BICD1: variants seen among roughly 807,000 people sequenced by gnomAD.
The protein encoded by BICD1 is BICD cargo adaptor 1.
In BICD1, 35 loss-of-function variants were observed where a neutral mutation model predicts 92.5. The observed-to-expected ratio is 0.38, with a 90% CI of 0.29 to 0.50. The LOEUF is 0.50. Ranked by LOEUF, BICD1 falls within the 20% of genes least tolerant of loss-of-function variation. BICD1 has a pLI of 0.93. For missense variants in BICD1, 950 were observed against 1,189.8 expected, an observed-to-expected ratio of 0.80 and a Z score of 2.97; for synonymous variants, 429 against 465.1, an observed-to-expected ratio of 0.92 and a Z score of 1.00.
At chr12:32,196,712 T>G (rs1159905929) in intron 1 of BICD1, among the ~76,000 whole-genome samples, 1 of 152,130 alleles carries the variant, frequency 6.6e-6, no homozygotes, top group African/African-American at 2.4e-5. Context: ...TTCAACATGG[T>G]GAATATAGTT....
At position 32,294,066 on chromosome 12, in the gene BICD1, C is replaced by G; in HGVS notation, c.499C>G (p.Arg167Gly). The change falls in exon 3 of 10, where the codon CGG (arginine) becomes GGG (glycine). Residue 167 changes from arginine to glycine, a missense_variant. Physicochemically the swap from Arg to Gly is moderately radical, Grantham distance 125 (BLOSUM62 -2). Coordinates refer to ENST00000652176, the MANE Select transcript of BICD1 (RefSeq NM_001714.4). The part of the protein sequence containing the change: ...EIREYKFREA[R>G]LLQDYTELEE... ...CCGAGAATATAAGTTCCGGGAGGCA[C>G]GGCTCCTTCAGGACTATACTGAATT... 6.2e-7 allele frequency: 1 copy of G among 1,612,738 alleles called. No homozygotes were observed. The highest frequency in any genetic ancestry group is 8.5e-7 in the Non-Finnish European group (1 of 1,179,634).
chr12:32,129,004 C>T (rs367834216), intron 1 of BICD1, among the ~76,000 whole-genome samples: 3 of 151,862 alleles, frequency 2.0e-5, no homozygotes, highest in Non-Finnish European at 4.4e-5. Flanking sequence ...TGCAGTGGCA[C>T]GATCTTGGCT....
chr12:32,135,068 T>G (rs1427933389), intron 1 of BICD1, among the ~76,000 whole-genome samples: 1 of 63,544 alleles, frequency 1.6e-5, no homozygotes, highest in East Asian at 5.1e-4. Context: ...TCCCCTCCCC[T>G]CCCCTTCCCC....
intron 1 of BICD1, among the ~76,000 whole-genome samples, chr12:32,112,107 A>C (rs189245933): frequency 6.7e-6 from 1 of 149,396 alleles, no homozygotes; most frequent in East Asian, 2.0e-4. Flanking sequence ...CTTGGGTTCA[A>C]GTGATTCTTC....
chr12:32,346,536 GTATATATATATATA>G (rs59893108), intron 8 of BICD1, among the ~76,000 whole-genome samples: 250 of 24,136 alleles, frequency 0.01, 25 homozygotes, highest in South Asian at 0.054. Flanking sequence ...ATATATACGT[GTATATATATATATA>G]TATATATATA....
At chr12:32,236,872 CTTTT>C (rs57318640) in intron 2 of BICD1, among the ~76,000 whole-genome samples, 14 of 89,308 alleles carry the variant, frequency 1.6e-4, no homozygotes, top group South Asian at 8.6e-4. Flanking sequence ...AAGTCTAATT[CTTTT>C]TTTTTTTTTT....
chr12:32,213,189 G>A (rs543556523), intron 1 of BICD1, among the ~76,000 whole-genome samples: 20 of 152,232 alleles, frequency 1.3e-4, no homozygotes, highest in African/African-American at 4.6e-4. Context: ...TACTTGTCAC[G>A]TCTTGTTAGT....
intron 2 of BICD1, among the ~76,000 whole-genome samples, chr12:32,240,103 C>T (rs1200832296): frequency 6.6e-6 from 1 of 152,142 alleles, no homozygotes; most frequent in Non-Finnish European, 1.5e-5. Flanking sequence ...TATGCCTGTA[C>T]TGAAGAGTAA....
At chr12:32,193,824 G>T (rs1290005365) in intron 1 of BICD1, among the ~76,000 whole-genome samples, 1 of 152,096 alleles carries the variant, frequency 6.6e-6, no homozygotes, top group Non-Finnish European at 1.5e-5. Flanking sequence ...CAAGAAATTC[G>T]AGAGGAGGGA....
intron 1 of BICD1, among the ~76,000 whole-genome samples, chr12:32,190,701 A>G (rs1319109766): frequency 6.6e-6 from 1 of 152,240 alleles, no homozygotes; most frequent in Non-Finnish European, 1.5e-5. Context: ...CAGACAGAAA[A>G]TCAATGAGGA....
intron 1 of BICD1, among the ~76,000 whole-genome samples, chr12:32,215,650 T>TA (rs1945333847): frequency 6.6e-6 from 1 of 151,930 alleles, no homozygotes; most frequent in South Asian, 2.1e-4. Flanking sequence ...AAGAGTTGTC[T>TA]AAAAAAATGA....
At chr12:32,271,596 C>T (rs781001897) in intron 2 of BICD1, among the ~76,000 whole-genome samples, 2 of 152,138 alleles carry the variant, frequency 1.3e-5, no homozygotes, top group African/African-American at 2.4e-5. Flanking sequence ...CAGATTGCTG[C>T]GACTGTGCAC....
intron 8 of BICD1, among the ~76,000 whole-genome samples, chr12:32,356,762 T>C (rs146082756): frequency 4.6e-5 from 7 of 152,322 alleles, no homozygotes; most frequent in African/African-American, 1.7e-4. Flanking sequence ...TGTTAGTAAC[T>C]GATTATGGAG....
At chr12:32,257,269 A>G (rs1434477115) in intron 2 of BICD1, among the ~76,000 whole-genome samples, 1 of 152,118 alleles carries the variant, frequency 6.6e-6, no homozygotes, top group Non-Finnish European at 1.5e-5. Flanking sequence ...CAGAAATGCA[A>G]ATTTTTCAGA....
chr12:32,340,597 T>C, intron 8 of BICD1: 1 of 760,610 alleles, frequency 1.3e-6, no homozygotes, highest in Non-Finnish European at 1.6e-6. Flanking sequence ...TAATAATCAA[T>C]GTTAACAACA....
chr12:32,150,987 T>A (rs190040373), intron 1 of BICD1, among the ~76,000 whole-genome samples: 1 of 152,194 alleles, frequency 6.6e-6, no homozygotes, highest in Non-Finnish European at 1.5e-5. Context: ...TTGATAAATC[T>A]TTGTATTTCA....
intron 1 of BICD1, among the ~76,000 whole-genome samples, chr12:32,208,789 A>G (rs986512869): frequency 2.0e-5 from 3 of 152,038 alleles, no homozygotes; most frequent in East Asian, 1.9e-4. Flanking sequence ...TTTGTGCTTC[A>G]TCAGATCATT....
chr12:32,214,467 C>T (rs1945297720), intron 1 of BICD1, among the ~76,000 whole-genome samples: 1 of 152,174 alleles, frequency 6.6e-6, no homozygotes, highest in African/African-American at 2.4e-5. Flanking sequence ...ATAAGTTTAT[C>T]TACTTATTAA....
intron 9 of BICD1, among the ~76,000 whole-genome samples, chr12:32,373,123 A>G (rs191206937): frequency 5.9e-5 from 9 of 152,286 alleles, no homozygotes; most frequent in Admixed American, 5.9e-4. Context: ...ATCCAATTTT[A>G]TATCTTAGTA....
Sources: gnomAD v4.1 joint callset for allele counts (sites outside exome capture counted in the v4.1 genomes callset) on GRCh38, gnomAD v4.1.1 for gene constraint, MANE v1.5 for transcripts, NCBI Gene and HGNC (gene_info 2026-07-23, HGNC 2026-07-21) for gene names.